Variants in MGMT observed in about 807,000 individuals in gnomAD.
MGMT encodes O-6-methylguanine-DNA methyltransferase.
MGMT carries 14 observed loss-of-function variants against 15.9 expected under a neutral mutation model. The ratio of observed to expected loss-of-function variants is 0.88; its 90% confidence interval spans 0.58 to 1.37. MGMT has a LOEUF of 1.37. MGMT is among the 40% of genes most tolerant of loss of function. The pLI is 0.00. For synonymous variants in MGMT, 130 were observed against 118.2 expected, an observed-to-expected ratio of 1.10 and a Z score of -0.65; for missense variants, 282 against 268.1, an observed-to-expected ratio of 1.05 and a Z score of -0.36.
At position 129,585,702 on chromosome 10, in the gene MGMT, G is replaced by A. The variant is rs568097790; in HGVS notation, c.125+49325G>A. ...TTTGAACTTTGTAGAATTTTTTTCC[G>A]AATATTTTTGATCTGTGGTTGGTTG... On this transcript the variant is annotated intron_variant, in intron 2 of 4. Coordinates refer to ENST00000651593, the MANE Select transcript of MGMT (RefSeq NM_002412.5). Among the ~76,000 whole-genome samples, 5 of 152,114 alleles carry A rather than the reference G, an allele frequency of 3.3e-5. 1 individual carries two copies. The highest frequency in any genetic ancestry group is 1.2e-4 in the African/African-American group (5 of 41,496).
intron 1 of MGMT, among the ~76,000 whole-genome samples, chr10:129,518,388 C>A (rs56876577): frequency 0.24 from 35,850 of 148,182 alleles, 5,280 homozygotes; most frequent in African/African-American, 0.42. Flanking sequence ...GGCCCTTGGA[C>A]AAGACAGGTC....
At chr10:129,598,579 G>A (rs74160237) in intron 2 of MGMT, among the ~76,000 whole-genome samples, 3,701 of 152,254 alleles carry the variant, frequency 0.024, 96 homozygotes, top group African/African-American at 0.065. Flanking sequence ...AAAACCACAC[G>A]CAAGAAAGCA....
intron 2 of MGMT, among the ~76,000 whole-genome samples, chr10:129,554,403 T>C (rs1455802397): frequency 6.6e-6 from 1 of 152,228 alleles, no homozygotes; most frequent in Non-Finnish European, 1.5e-5. Context: ...TTAAGCATTT[T>C]TCTTGTTCTG....
intron 4 of MGMT, among the ~76,000 whole-genome samples, chr10:129,763,455 C>T (rs767642567): frequency 6.6e-6 from 1 of 152,158 alleles, no homozygotes; most frequent in Non-Finnish European, 1.5e-5. Context: ...AGGTGAGGAC[C>T]GGTCACAGCT....
chr10:129,566,938 AG>A lies in MGMT; in HGVS notation c.125+30563del. Among the ~76,000 whole-genome samples the A allele has an allele frequency of 6.6e-6, 1 of 152,240 alleles. No homozygotes were observed. The highest frequency in any genetic ancestry group is 3.4e-3 in the Middle Eastern group (1 of 294). ...CCGTCATCAATGGAGATCAATACCCAGGAGGTGCCATCTCTCTTGGCGGGTG... is the reference window on the plus strand; with the variant it reads ...CCGTCATCAATGGAGATCAATACCCAGAGGTGCCATCTCTCTTGGCGGGTG... On this transcript the variant is annotated intron_variant, in intron 2 of 4. Transcript: ENST00000651593. This position sits in a 1 kb window ranked among gnomAD's most constrained non-coding sequence, Gnocchi z 4.1.
chr10:129,706,729 C>T (rs1848167674), intron 2 of MGMT, among the ~76,000 whole-genome samples: 2 of 152,210 alleles, frequency 1.3e-5, no homozygotes, highest in African/African-American at 2.4e-5. Context: ...GTGTCATGCA[C>T]TCCACAGCCC....
chr10:129,735,052 G>T lies in MGMT; in HGVS notation c.275-24150G>T, dbSNP rs567542167. On this transcript the variant is annotated intron_variant, in intron 3 of 4. Coordinates refer to ENST00000651593, the MANE Select transcript of MGMT (RefSeq NM_002412.5). ...TTGGTTGTGTCTCTGCCCAGCTTTG[G>T]TATCAGGATGATGCTGGCCTCATAA... Among the ~76,000 whole-genome samples the T allele has an allele frequency of 1.9e-3, 284 of 152,212 alleles. 2 individuals carry two copies. The highest frequency in any genetic ancestry group is 4.6e-3 in the African/African-American group (189 of 41,522).
At chr10:129,506,288 T>A (rs1413294599) in intron 1 of MGMT, among the ~76,000 whole-genome samples, 1 of 152,138 alleles carries the variant, frequency 6.6e-6, no homozygotes, top group Non-Finnish European at 1.5e-5. Flanking sequence ...AAGCCCAGCT[T>A]GTCCCTGGCC....
At chr10:129,709,841 C>T (rs1564769690) in intron 3 of MGMT, among the ~76,000 whole-genome samples, 2 of 152,056 alleles carry the variant, frequency 1.3e-5, no homozygotes, top group African/African-American at 4.8e-5. Context: ...TCAGGCAGGC[C>T]AGGAAGAACC....
intron 1 of MGMT, among the ~76,000 whole-genome samples, chr10:129,530,855 G>A (rs1479322371): frequency 6.6e-6 from 1 of 152,164 alleles, no homozygotes; most frequent in Non-Finnish European, 1.5e-5. Flanking sequence ...TCCTCGCCCG[G>A]GGGCCCCTCC....
At chr10:129,615,803 C>T (rs1410066889) in intron 2 of MGMT, among the ~76,000 whole-genome samples, 1 of 152,026 alleles carries the variant, frequency 6.6e-6, no homozygotes, top group Non-Finnish European at 1.5e-5. Flanking sequence ...AGGGAGGCCT[C>T]AACCATAAAG....
chr10:129,640,182 TCTC>T (rs543645378), intron 2 of MGMT, among the ~76,000 whole-genome samples: 3 of 151,774 alleles, frequency 2.0e-5, no homozygotes, highest in African/African-American at 7.3e-5. Context: ...ACTGCATCCT[TCTC>T]CTCCCGGGTT....
chr10:129,467,244 G>T lies in MGMT; in HGVS notation c.-65G>T. 2 of 1,470,186 alleles carry T rather than the reference G, an allele frequency of 1.4e-6. No homozygotes were observed. The highest frequency in any genetic ancestry group is 1.4e-5 in the African/African-American group (1 of 69,664). The allele number at this position is 1,470,186 out of a possible 1,614,324, so 91.1% of individuals were successfully genotyped here. Reference sequence around the variant, plus strand: ...CTGGGACAGCCCGCGCCCCTAGAACGCTTTGCGTCCCGACGCCCGCAGGTC... The same window carrying T: ...CTGGGACAGCCCGCGCCCCTAGAACTCTTTGCGTCCCGACGCCCGCAGGTC... On this transcript the variant is annotated 5_prime_UTR_variant, in exon 1 of 5. Coordinates refer to ENST00000651593, the MANE Select transcript of MGMT (RefSeq NM_002412.5).
At chr10:129,638,729 C>T (rs185493761) in intron 2 of MGMT, among the ~76,000 whole-genome samples, 2 of 152,232 alleles carry the variant, frequency 1.3e-5, no homozygotes, top group East Asian at 3.9e-4. Flanking sequence ...TCAAAAGTTA[C>T]ACCTTAACAA....
intron 2 of MGMT, among the ~76,000 whole-genome samples, chr10:129,621,869 G>A (rs1311008492): frequency 6.6e-6 from 1 of 152,210 alleles, no homozygotes; most frequent in African/African-American, 2.4e-5. Context: ...CATCCTGCAT[G>A]TAAGTAGAGC....
At chr10:129,697,930 T>TG (rs1848050706) in intron 2 of MGMT, among the ~76,000 whole-genome samples, 2 of 152,324 alleles carry the variant, frequency 1.3e-5, no homozygotes, top group South Asian at 4.1e-4. Flanking sequence ...GAGACACAGG[T>TG]GCTTGCCTCA....
chr10:129,732,614 A>G (rs1848513593), intron 3 of MGMT, among the ~76,000 whole-genome samples: 1 of 150,564 alleles, frequency 6.6e-6, no homozygotes, highest in Non-Finnish European at 1.5e-5. Context: ...TGTGCAGGTT[A>G]GTTACATATG....
chr10:129,628,407 G>A (rs952230774), intron 2 of MGMT, among the ~76,000 whole-genome samples: 3 of 152,206 alleles, frequency 2.0e-5, no homozygotes, highest in African/African-American at 7.2e-5. Flanking sequence ...GCGTTTTGTG[G>A]AAGGTAGGGC....
intron 2 of MGMT, among the ~76,000 whole-genome samples, chr10:129,612,694 C>T (rs772188844): frequency 9.9e-5 from 15 of 152,142 alleles, no homozygotes; most frequent in Non-Finnish European, 1.5e-4. Flanking sequence ...GAACCATAGG[C>T]GAGGCAGCAC....
Sources: allele counts gnomAD v4.1 joint callset (sites outside exome capture counted in the v4.1 genomes callset), GRCh38; gene constraint gnomAD v4.1.1; non-coding constraint Gnocchi (gnomAD v3.1); transcripts MANE v1.5; gene names NCBI Gene and HGNC (gene_info 2026-07-23, HGNC 2026-07-21).